The following TLN1 variants were observed in gnomAD, a reference collection of about 807,000 sequenced individuals.
The protein encoded by TLN1 is talin-1.
Under a neutral mutation model 292.3 loss-of-function variants are expected in TLN1, and 56 were observed. The ratio of observed to expected loss-of-function variants is 0.19; its 90% confidence interval spans 0.15 to 0.24. The LOEUF (loss-of-function observed/expected upper bound fraction) is 0.24. TLN1 is among the 10% of genes least tolerant of loss of function. The pLI, the probability that TLN1 is intolerant of heterozygous loss-of-function variation, is 1.00. For missense variants in TLN1, 2,433 were observed against 3,248.2 expected (o/e 0.75, Z 6.10); for synonymous variants, 1,119 against 1,253.7 (o/e 0.89, Z 2.27).
Position 35,725,736 on chromosome 9 carries a change from T to A in TLN1, c.-33-9A>T, listed in dbSNP as rs1162228650. 6.2e-7 allele frequency: 1 copy of A among 1,608,490 alleles called. No homozygotes were observed. Among genetic ancestry groups the A allele is most frequent in the Admixed American group, 1.7e-5 (1 of 59,932 alleles). ...CTCCAGCCTGGCTATACCTGACCCA[T>A]GGCATCAGGGCATTAGAATACACTC... is the stretch of plus-strand genomic sequence containing the variant. On this transcript the variant is annotated splice_polypyrimidine_tract_variant and intron_variant, in intron 1 of 56. Coordinates refer to ENST00000314888, the MANE Select transcript of TLN1 (RefSeq NM_006289.4).
In TLN1 at chr9:35,698,821, A is replaced by G. The variant is rs765923768; in HGVS notation, c.7112T>C (p.Val2371Ala). ...TTAAGCACTCACCTTCCCTTGGGCC[A>G]CTAGTTCTCTCTGGGCAGCCGACGC... The part of the protein sequence containing the change: ...KAASAAQREL[V>A]AQGKVGAIPA... The change falls in exon 53 of 57, where the codon GTG becomes GCG. Residue 2371 changes from valine (V) to alanine (A), a missense_variant. By Grantham distance (64) the Val-to-Ala change is moderately conservative (BLOSUM62 0). Coordinates refer to ENST00000314888, the MANE Select transcript of TLN1 (RefSeq NM_006289.4). The surrounding 1 kb of genome is among the most constrained non-coding windows in gnomAD (Gnocchi z 5.3). The G allele has an allele frequency of 1.7e-5, 28 of 1,614,074 alleles. No homozygotes were observed. The highest frequency in any genetic ancestry group is 2.1e-5 in the Non-Finnish European group (25 of 1,179,952).
rs192874482 is a variant in TLN1 at position 35,714,065 on chromosome 9, C to T, written c.3137G>A (p.Gly1046Glu). 3 of 1,614,166 alleles carry T rather than the reference C, an allele frequency of 1.9e-6. No homozygotes were observed. Among genetic ancestry groups the T allele is most frequent in the Admixed American group, 1.7e-5 (1 of 60,018 alleles). ...TAAQKAQEAC[G>E]PLEMDSALSV... ...CAGTGCAGAATCCATCTCCAAAGGT[C>T]CACATGCTTCCTGAGCCTATGATAA... Residue 1046 changes from glycine (G) to glutamate (E), a missense_variant, in exon 25 of 57, where the codon GGA (glycine) becomes GAA (glutamate). Physicochemically the swap from Gly to Glu is moderately conservative, Grantham distance 98. This residue lies in a region of TLN1 where 1,384 missense variants were observed against 1,699.6 expected (regional missense o/e 0.81). Coordinates refer to ENST00000314888, the MANE Select transcript of TLN1 (RefSeq NM_006289.4). This position sits in a 1 kb window ranked among gnomAD's most constrained non-coding sequence, Gnocchi z 4.6.
At position 35,719,710 on chromosome 9, in the gene TLN1, C is replaced by T. The variant is rs1312180075; in HGVS notation, c.1578+30G>A. On this transcript the variant is annotated intron_variant, in intron 14 of 56. Coordinates refer to ENST00000314888, the MANE Select transcript of TLN1 (RefSeq NM_006289.4). The surrounding 1 kb of genome is among the most constrained non-coding windows in gnomAD (Gnocchi z 4.6). ...ATCCCTTGGAGTCTCAGCTTCAGTA[C>T]CACCGGCCTCTCCTCCATCCCATAC... 3 of 1,610,214 alleles carry T rather than the reference C, an allele frequency of 1.9e-6. No homozygotes were observed. The highest frequency in any genetic ancestry group is 1.7e-5 in the Admixed American group (1 of 59,402).
intron 7 of TLN1, 175 bp from the exon 8 acceptor site, chr9:35,723,096 G>T: frequency 1.9e-6 from 1 of 515,722 alleles, no homozygotes; most frequent in Non-Finnish European, 3.4e-6. Flanking sequence ...GTGACTTCGT[G>T]TAAACTCTTC....
intron 20 of TLN1, 26 bp downstream of exon 20, chr9:35,716,363 TG>T: frequency 6.2e-7 from 1 of 1,613,590 alleles, no homozygotes; most frequent in Non-Finnish European, 8.5e-7. Context: ...GGGTCCAGTC[TG>T]GGAGTGTGCA....
At position 35,705,791 on chromosome 9, in the gene TLN1, C is replaced by G; in HGVS notation, c.5572G>C (p.Val1858Leu). ...ACTGCAATGGCCTTGGCTGTCCGCA[C>G]CATAGTTGTTTGGTAATCCACGAAG... ...GSFVDYQTTM[V>L]RTAKAIAVTV... The change falls in exon 42 of 57, where the codon GTG becomes CTG. Residue 1858 changes from valine (V) to leucine (L), a missense_variant. This residue lies in a region of TLN1 where 1,384 missense variants were observed against 1,699.6 expected (regional missense o/e 0.81). Transcript: ENST00000314888. 6.2e-7 allele frequency: 1 copy of G among 1,614,232 alleles called. No individual in the cohort carries two copies. Among genetic ancestry groups the G allele is most frequent in the Non-Finnish European group, 8.5e-7 (1 of 1,180,040 alleles).
chr9:35,722,993 C>CA, intron 7 of TLN1, 72 bp from the exon 8 acceptor site: 1 of 1,392,122 alleles, frequency 7.2e-7, no homozygotes, highest in African/African-American at 1.4e-5. Flanking sequence ...AACTGTGGGC[C>CA]TGGGGGTATG....
chr9:35,704,608 G>A lies in TLN1; in HGVS notation c.5880+61C>T, dbSNP rs570561858. 15 of 1,602,248 alleles carry A rather than the reference G, an allele frequency of 9.4e-6. No individual in the cohort carries two copies. Among genetic ancestry groups the A allele is most frequent in the Admixed American group, 5.0e-5 (3 of 59,698 alleles). On this transcript the variant is annotated intron_variant, in intron 44 of 56. Transcript: ENST00000314888. This position sits in a 1 kb window ranked among gnomAD's most constrained non-coding sequence, Gnocchi z 6.9. The stretch of plus-strand genomic sequence containing the variant: ...GAGAGGGCTGAGAGGGCTGGAGGAG[G>A]ATGGCAAAGGCTACAGAGTTTGGAG...
Position 35,699,766 on chromosome 9 carries a change from G to A in TLN1, c.6768+208C>T. ...AGGGAGGAGAAAAGAAAAAGAGGAA[G>A]AGGAAGAGGTGACTGGGAGAACCAA... On this transcript the variant is annotated intron_variant, in intron 50 of 56. Transcript: ENST00000314888. The surrounding 1 kb of genome is among the most constrained non-coding windows in gnomAD (Gnocchi z 4.0). 2 of 875,958 alleles carry A rather than the reference G, an allele frequency of 2.3e-6. No individual in the cohort carries two copies. Among genetic ancestry groups the A allele is most frequent in the Non-Finnish European group, 2.7e-6 (2 of 730,290 alleles). The allele number at this position is 875,958 out of a possible 1,614,324, so 54.3% of individuals were successfully genotyped here. A position where few individuals can be genotyped will look rare whatever the true frequency, so the allele number is the denominator to read the frequency against.
In TLN1 at chr9:35,725,232, G is replaced by A. The variant is rs1396892544; in HGVS notation, c.220C>T (p.Arg74Ter). 2 of 1,614,136 alleles carry A rather than the reference G, an allele frequency of 1.2e-6. No homozygotes were observed. ...GATGAAAGGATACTTACCCCATTTC[G>A]GAGCATGTAGTAGTCCAAAGCTTTC... ...AGKALDYYML[R>*]NGDTMEYRKK... Residue 74 changes from arginine (R) to a stop codon, truncating the protein, a stop_gained, in exon 3 of 57, where the codon CGA becomes TGA. Transcript: ENST00000314888. LOFTEE classifies it high-confidence loss of function.
chr9:35,709,324 C>CA (rs796825358), intron 33 of TLN1, among the ~76,000 whole-genome samples: 1 of 151,330 alleles, frequency 6.6e-6, no homozygotes, highest in African/African-American at 2.4e-5. Context: ...ACCAAAAAAA[C>CA]AAAAAAACAA....
chr9:35,722,276 G>A, intron 8 of TLN1, 53 bp from the exon 9 acceptor site: 1 of 1,491,394 alleles, frequency 6.7e-7, no homozygotes, highest in South Asian at 1.1e-5. Flanking sequence ...CACAGCTAAG[G>A]AATTAAGGTT....
Position 35,721,818 on chromosome 9 carries a change from T to C in TLN1, c.949-15A>G, listed in dbSNP as rs1461610156. On this transcript the variant is annotated splice_polypyrimidine_tract_variant and intron_variant, in intron 9 of 56. Coordinates refer to ENST00000314888, the MANE Select transcript of TLN1 (RefSeq NM_006289.4). ...TTCATTTTTTCCTATGAGGCAGAGG[T>C]TGGTGTTGGTGTTACAGGTCAGAGG... 3 of 1,604,138 alleles carry C rather than the reference T, an allele frequency of 1.9e-6. No individual in the cohort carries two copies. In the African/African-American group the frequency reaches 4.0e-5, roughly 21 times the overall value.
At position 35,708,344 on chromosome 9, in the gene TLN1, G is replaced by A. The variant is rs147061170; in HGVS notation, c.4467C>T (p.Ala1489=). Residue 1489 remains alanine, a synonymous_variant, in exon 34 of 57, where the codon GCC becomes GCT. Coordinates refer to ENST00000314888, the MANE Select transcript of TLN1 (RefSeq NM_006289.4). ...QSLGEPGCTQ[A]QVLSAATIVA... ...GGTCCCTGTTCCCTTGAGTTACCTGGGCCTGGGTACAGCCAGGCTCTCCCA... is the reference window on the plus strand; with the variant it reads ...GGTCCCTGTTCCCTTGAGTTACCTGAGCCTGGGTACAGCCAGGCTCTCCCA... 1.0e-4 allele frequency: 162 copies of A among 1,603,054 alleles called. No individual in the cohort carries two copies. The African/African-American group carries it at 2.1e-3, about 21-fold the overall frequency.
At chr9:35,720,718 C>G (rs1225553915) in intron 11 of TLN1, 94 bp downstream of exon 11, 2 of 1,286,480 alleles carry the variant, frequency 1.6e-6, no homozygotes, top group African/African-American at 2.9e-5. Flanking sequence ...CTCCGCCTCC[C>G]AGGTTCAAGC....
At position 35,715,405 on chromosome 9, in the gene TLN1, C is replaced by T. The variant is rs75065894; in HGVS notation, c.2626-218G>A. On this transcript the variant is annotated intron_variant, in intron 20 of 56. Coordinates refer to ENST00000314888, the MANE Select transcript of TLN1 (RefSeq NM_006289.4). ...AGGATTCCCACTGGATGCTGAAATC[C>T]TTTCTTAAGGTGGAATTGTTTTGTC... 2.9e-3 allele frequency among the ~76,000 whole-genome samples: 444 copies of T among 152,344 alleles called. 2 individuals are homozygous for T. The highest frequency in any genetic ancestry group is 0.01 in the African/African-American group (417 of 41,560).
rs1825733160 is a variant in TLN1 at position 35,714,102 on chromosome 9, T to G, written c.3121-21A>C. The G allele has an allele frequency of 6.2e-7, 1 of 1,613,368 alleles. No homozygotes were observed. Among genetic ancestry groups the G allele is most frequent in the Admixed American group, 1.7e-5 (1 of 59,982 alleles). ...TGAGCCTATGATAAGAAAGGGGTTT[T>G]GGGTGTAGAAGGTCCTGCTGTGTCT... On this transcript the variant is annotated intron_variant, in intron 24 of 56. Transcript: ENST00000314888. This position sits in a 1 kb window ranked among gnomAD's most constrained non-coding sequence, Gnocchi z 4.6.
chr9:35,727,340 TAAAG>T (rs771137081), intron 1 of TLN1, among the ~76,000 whole-genome samples: 2 of 151,834 alleles, frequency 1.3e-5, no homozygotes, highest in Non-Finnish European at 2.9e-5. Context: ...GGGTAGAGGG[TAAAG>T]AAGTTAGGAG....
Position 35,698,560 on chromosome 9 carries a change from C to A in TLN1, c.7189-55G>T. 2 of 1,614,034 alleles carry A rather than the reference C, an allele frequency of 1.2e-6. No homozygotes were observed. The highest frequency in any genetic ancestry group is 2.2e-5 in the East Asian group (1 of 44,888). ...TGCCCCTTGCCCTGGTCCATCCCCA[C>A]TCCAGCCTTCTCAAGTCTCTCAAAC... On this transcript the variant is annotated intron_variant, in intron 54 of 56. Coordinates refer to ENST00000314888, the MANE Select transcript of TLN1 (RefSeq NM_006289.4). The surrounding 1 kb of genome is among the most constrained non-coding windows in gnomAD (Gnocchi z 5.3).
Sources: gnomAD v4.1 joint callset for allele counts (sites outside exome capture counted in the v4.1 genomes callset) on GRCh38, gnomAD v4.1.1 for gene constraint, gnomAD v4.1.1 regional missense constraint, Gnocchi (gnomAD v3.1) non-coding constraint, MANE v1.5 for transcripts, NCBI Gene and HGNC (gene_info 2026-07-23, HGNC 2026-07-21) for gene names.